The following NHSL1 variants were observed in gnomAD, a reference collection of about 807,000 sequenced individuals.
NHSL1 encodes the protein NHS-like protein 1.
A neutral mutation model predicts 95.0 loss-of-function variants in NHSL1; 48 were observed. That is an observed-to-expected ratio of 0.51 (90% CI 0.40 to 0.64). The LOEUF (loss-of-function observed/expected upper bound fraction) is 0.64, where lower values mean the gene tolerates loss of function less well. NHSL1 is among the 30% of genes least tolerant of loss of function. NHSL1 has a pLI of 0.00. For synonymous variants in NHSL1, 783 were observed against 833.9 expected (o/e 0.94, Z 1.05); for missense variants, 1,971 against 2,077.7 (o/e 0.95, Z 1.00).
chr6:138,570,520 T>C (rs1783800011), intron 1 of NHSL1, among the ~76,000 whole-genome samples: 1 of 152,234 alleles, frequency 6.6e-6, no homozygotes, highest in Non-Finnish European at 1.5e-5. Context: ...TGGCTCATTG[T>C]TGATCACCTT....
chr6:138,688,370 G>T (rs1785615167), intron 1 of NHSL1, among the ~76,000 whole-genome samples: 1 of 152,118 alleles, frequency 6.6e-6, no homozygotes, highest in African/African-American at 2.4e-5. Context: ...CAGGGGCCAG[G>T]CACAGTGGCT....
chr6:138,620,492 G>A (rs368286053), intron 1 of NHSL1, among the ~76,000 whole-genome samples: 4 of 152,030 alleles, frequency 2.6e-5, no homozygotes, highest in East Asian at 1.9e-4. Flanking sequence ...GAAATATGAC[G>A]AAGTCAAAAA....
At chr6:138,666,337 C>T (rs1337671247) in intron 1 of NHSL1, among the ~76,000 whole-genome samples, 3 of 150,944 alleles carry the variant, frequency 2.0e-5, no homozygotes, top group African/African-American at 7.3e-5. Flanking sequence ...GCGGTGGCTC[C>T]CGCCTGTAAT....
At chr6:138,681,333 T>A (rs1188220490) in intron 1 of NHSL1, among the ~76,000 whole-genome samples, 1 of 152,242 alleles carries the variant, frequency 6.6e-6, no homozygotes, top group Non-Finnish European at 1.5e-5. Flanking sequence ...GGAGTGAGAC[T>A]TTTCACTGCA....
chr6:138,638,053 T>G (rs1478634772), intron 1 of NHSL1, among the ~76,000 whole-genome samples: 1 of 152,158 alleles, frequency 6.6e-6, no homozygotes, highest in East Asian at 1.9e-4. Flanking sequence ...ATCCTGTCAT[T>G]TACAACAACA....
At position 138,561,314 on chromosome 6, in the gene NHSL1, C is replaced by G. The variant is rs115555535; in HGVS notation, c.202+10396G>C. Among the ~76,000 whole-genome samples the G allele has an allele frequency of 5.1e-3, 769 of 152,238 alleles. 9 individuals carry two copies. The highest frequency in any genetic ancestry group is 0.018 in the African/African-American group (729 of 41,544). Reference sequence around the variant, plus strand: ...AGTCTTAGCTAAGCGGTGGCGGGTGCGGGGCATGGAACCGGATCAGTATGG... The same window carrying G: ...AGTCTTAGCTAAGCGGTGGCGGGTGGGGGGCATGGAACCGGATCAGTATGG... On this transcript the variant is annotated intron_variant, in intron 1 of 6. Coordinates refer to the NHSL1 transcript ENST00000427025.
At chr6:138,583,810 T>C (rs976829690) in intron 1 of NHSL1, among the ~76,000 whole-genome samples, 24 of 152,146 alleles carry the variant, frequency 1.6e-4, no homozygotes, top group African/African-American at 5.6e-4. Context: ...TTTTAAGGCT[T>C]TGTCAACTCT....
At chr6:138,667,379 T>C (rs114788482) in intron 1 of NHSL1, among the ~76,000 whole-genome samples, 1,595 of 152,320 alleles carry the variant, frequency 0.01, 31 homozygotes, top group African/African-American at 0.036. Flanking sequence ...CTTTCTACTC[T>C]ACACCAAAAC....
intron 1 of NHSL1, among the ~76,000 whole-genome samples, chr6:138,539,113 C>G (rs1782478780): frequency 6.6e-6 from 1 of 152,172 alleles, no homozygotes; most frequent in Admixed American, 6.5e-5. Context: ...ATGAACACTG[C>G]TGACATTAAA....
chr6:138,562,280 A>G (rs1562371977), intron 1 of NHSL1, among the ~76,000 whole-genome samples: 1 of 152,378 alleles, frequency 6.6e-6, no homozygotes, highest in African/African-American at 2.4e-5. Context: ...ATAACTATAC[A>G]TTGGAAAAAA....
intron 1 of NHSL1, among the ~76,000 whole-genome samples, chr6:138,527,124 C>T (rs372124992): frequency 9.9e-5 from 15 of 152,280 alleles, no homozygotes; most frequent in East Asian, 9.7e-4. Flanking sequence ...TCCGAGCCGT[C>T]GCTCTTCAGT....
rs374178732 is a variant in NHSL1 at position 138,655,988 on chromosome 6, A to T, written c.96+36488T>A. ...CAGAAAGAGCTTACCTCCCCCAAAA[A>T]ACCTCAGTCAGAGAAAGCCCTCCCT... On this transcript the variant is annotated intron_variant, in intron 1 of 3. Coordinates refer to the NHSL1 transcript ENST00000491526. Among the ~76,000 whole-genome samples the T allele has an allele frequency of 8.5e-5, 13 of 152,148 alleles. No individual in the cohort carries two copies. The East Asian group carries it at 1.5e-3, about 18-fold the overall frequency.
upstream of NHSL1, among the ~76,000 whole-genome samples, chr6:138,502,582 G>A (rs986047789): frequency 6.6e-6 from 1 of 152,042 alleles, no homozygotes; most frequent in African/African-American, 2.4e-5. Context: ...CAAAGTGTTT[G>A]GATTACAAGC....
intron 1 of NHSL1, among the ~76,000 whole-genome samples, chr6:138,581,602 G>A (rs1171128913): frequency 1.4e-5 from 2 of 147,236 alleles, no homozygotes; most frequent in African/African-American, 5.0e-5. Context: ...AGAGGCAGGA[G>A]AATCGCTTGA....
chr6:138,550,060 C>T (rs4895534), upstream of NHSL1, among the ~76,000 whole-genome samples: 38,216 of 151,832 alleles, frequency 0.25, 5,761 homozygotes, highest in Middle Eastern at 0.48. Flanking sequence ...GCCAACATGG[C>T]GAAACCCCAT....
intron 5 of NHSL1, chr6:138,435,379 TA>T (rs1272469292): frequency 1.3e-5 from 2 of 152,446 alleles, no homozygotes; most frequent in Non-Finnish European, 2.9e-5. Flanking sequence ...TTAAGTAGCA[TA>T]AACAAAATCC....
chr6:138,496,273 A>C lies in NHSL1; in HGVS notation c.157T>G (p.Cys53Gly). ...NVFLPTTRPP[C>G]VEDLHRQAKL... ...GCTTGGCGGTGCAGGTCCTCAACACAGGGGGGTCTTGTGGTGGGAAGGAAC... is the reference window on the plus strand; with the variant it reads ...GCTTGGCGGTGCAGGTCCTCAACACCGGGGGGTCTTGTGGTGGGAAGGAAC... The change falls in exon 2 of 8, where the codon TGT (cysteine) becomes GGT (glycine). Residue 53 changes from cysteine to glycine, a missense_variant. Physicochemically the swap from Cys to Gly is radical, Grantham distance 159. Transcript: ENST00000343505. 6.4e-7 allele frequency: 1 copy of C among 1,550,972 alleles called. No homozygotes were observed. Among genetic ancestry groups the C allele is most frequent in the East Asian group, 2.4e-5 (1 of 40,906 alleles).
At chr6:138,650,617 T>C (rs902919812) in intron 1 of NHSL1, 12 of 579,166 alleles carry the variant, frequency 2.1e-5, no homozygotes, top group Admixed American at 3.8e-5. Flanking sequence ...AGCTTCCCAA[T>C]GGAGCTCAGC....
At chr6:138,691,837 G>A (rs1014641094) in intron 1 of NHSL1, 9 of 453,258 alleles carry the variant, frequency 2.0e-5, no homozygotes, top group Non-Finnish European at 4.0e-5. Flanking sequence ...GGGATTCAGA[G>A]CCTGAACTCA....
Sources: gnomAD v4.1 joint callset for allele counts (sites outside exome capture counted in the v4.1 genomes callset) on GRCh38, gnomAD v4.1.1 for gene constraint, MANE v1.5 for transcripts, NCBI Gene and HGNC (gene_info 2026-07-23, HGNC 2026-07-21) for gene names.